The following WDR72 variants were observed in gnomAD, a reference collection of about 807,000 sequenced individuals.
The protein encoded by WDR72 is WD repeat-containing protein 72.
In WDR72, 120 loss-of-function variants were observed where a neutral mutation model predicts 124.2. The ratio of observed to expected loss-of-function variants is 0.97; its 90% CI spans 0.83 to 1.12. The LOEUF is 1.12. Among genes scored for constraint, WDR72 ranks in the 50% most tolerant of loss-of-function variants. The pLI, the probability that WDR72 is intolerant of heterozygous loss-of-function variation, is 0.00. For missense variants in WDR72, 1,387 were observed against 1,278.8 expected (o/e 1.08, Z -1.29); for synonymous variants, 452 against 441.7 (o/e 1.02, Z -0.29).
At chr15:53,733,294 T>C (rs2018257779) in intron 1 of WDR72, 133 bp from the exon 2 acceptor site, 6 of 951,180 alleles carry the variant, frequency 6.3e-6, no homozygotes, top group Non-Finnish European at 9.7e-6. Flanking sequence ...AAAAGGGTGT[T>C]TCCCCGTCAA....
intron 16 of WDR72, among the ~76,000 whole-genome samples, chr15:53,612,553 C>T (rs2013586999): frequency 6.6e-6 from 1 of 151,640 alleles, no homozygotes; most frequent in African/African-American, 2.4e-5. Flanking sequence ...ACCTGCTTGT[C>T]ATGCTTGGGT....
intron 14 of WDR72, among the ~76,000 whole-genome samples, chr15:53,655,755 C>T (rs1205179656): frequency 6.6e-6 from 1 of 151,930 alleles, no homozygotes; most frequent in Admixed American, 6.6e-5. Context: ...GGCTGTGGCA[C>T]AAGCTTGGCT....
Position 53,515,568 on chromosome 15 carries a change from T to C in WDR72, c.*2131A>G, listed in dbSNP as rs1040530343. Reference sequence around the variant, plus strand: ...AGCTTTCATAGTTAATGGTATGATATTGGCCTTCAGAATTCATATTGATAA... The same window carrying C: ...AGCTTTCATAGTTAATGGTATGATACTGGCCTTCAGAATTCATATTGATAA... On this transcript the variant is annotated 3_prime_UTR_variant, in exon 20 of 20. Transcript: ENST00000360509. 3.3e-5 allele frequency: 5 copies of C among 152,204 alleles called. No individual in the cohort carries two copies. Among genetic ancestry groups the C allele is most frequent in the African/African-American group, 1.2e-4 (5 of 41,464 alleles). The allele number at this position is 152,204 out of a possible 1,614,324, so 9.4% of individuals were successfully genotyped here.
intron 14 of WDR72, among the ~76,000 whole-genome samples, chr15:53,633,979 T>C (rs2014529103): frequency 6.6e-6 from 1 of 152,126 alleles, no homozygotes; most frequent in South Asian, 2.1e-4. Context: ...CTCAATAAAT[T>C]TAAAAGAAAC....
intron 14 of WDR72, among the ~76,000 whole-genome samples, chr15:53,617,374 G>A (rs961279731): frequency 2.0e-5 from 3 of 151,582 alleles, no homozygotes; most frequent in African/African-American, 7.3e-5. Flanking sequence ...TAATTGGGAA[G>A]CAGAAATTAA....
intron 1 of WDR72, among the ~76,000 whole-genome samples, chr15:53,750,771 CA>C (rs1275896182): frequency 6.6e-6 from 1 of 152,070 alleles, no homozygotes; most frequent in Non-Finnish European, 1.5e-5. Flanking sequence ...TGGAGAGATT[CA>C]AAATTCCAGT....
intron 3 of WDR72, among the ~76,000 whole-genome samples, chr15:53,721,117 T>A (rs1004319461): frequency 6.6e-6 from 1 of 152,104 alleles, no homozygotes; most frequent in African/African-American, 2.4e-5. Context: ...ACAGCATAAG[T>A]TTTAGAAACC....
At chr15:53,704,684 C>G (rs1213595616) in intron 11 of WDR72, among the ~76,000 whole-genome samples, 3 of 127,010 alleles carry the variant, frequency 2.4e-5, no homozygotes, top group African/African-American at 8.1e-5. Flanking sequence ...CGCCACCATG[C>G]CCAGCTTTTT....
chr15:53,690,985 T>A (rs1424616130), intron 13 of WDR72, among the ~76,000 whole-genome samples: 1 of 152,190 alleles, frequency 6.6e-6, no homozygotes, highest in Non-Finnish European at 1.5e-5. Flanking sequence ...CTTTTTAAAT[T>A]ATAAGTATCC....
At position 53,601,616 on chromosome 15, in the gene WDR72, T is replaced by C. The variant is rs532833308; in HGVS notation, c.2953-4342A>G. ...GGTATGTCGTCTTCAAGATAACATGTCAACTCTCAAAATAAAGGGTTGGAG... is the reference window on the plus strand; with the variant it reads ...GGTATGTCGTCTTCAAGATAACATGCCAACTCTCAAAATAAAGGGTTGGAG... On this transcript the variant is annotated intron_variant, in intron 17 of 19. Transcript: ENST00000360509. Among the ~76,000 whole-genome samples, 12 of 147,920 alleles carry C rather than the reference T, an allele frequency of 8.1e-5. No individual in the cohort carries two copies. In the East Asian group the frequency reaches 1.2e-3, roughly 14 times the overall value.
chr15:53,665,813 C>A, intron 13 of WDR72, 45 bp from the exon 14 acceptor site: 3 of 1,569,462 alleles, frequency 1.9e-6, no homozygotes, highest in Non-Finnish European at 2.6e-6. Flanking sequence ...AAATATTTAC[C>A]CCAACAGAAT....
intron 7 of WDR72, 135 bp downstream of exon 7, chr15:53,712,637 G>T: frequency 4.4e-6 from 4 of 904,360 alleles, no homozygotes; most frequent in Non-Finnish European, 6.7e-6. Context: ...AGTCATAAAA[G>T]ACACATCATT....
At chr15:53,707,373 G>A (rs2140536543) in intron 9 of WDR72, among the ~76,000 whole-genome samples, 1 of 152,192 alleles carries the variant, frequency 6.6e-6, no homozygotes, top group South Asian at 2.1e-4. Flanking sequence ...ATCCAACCAA[G>A]ACGTATAATT....
intron 6 of WDR72, among the ~76,000 whole-genome samples, chr15:53,714,187 G>GTGTGTA (rs1283687490): frequency 6.6e-6 from 1 of 150,504 alleles, no homozygotes; most frequent in Non-Finnish European, 1.5e-5. Flanking sequence ...CTTTCTGTGT[G>GTGTGTA]TGTGTGTGTG....
At chr15:53,730,720 A>T (rs893007083) in intron 2 of WDR72, among the ~76,000 whole-genome samples, 2 of 152,084 alleles carry the variant, frequency 1.3e-5, no homozygotes, top group African/African-American at 4.8e-5. Flanking sequence ...CCTTTTTTAC[A>T]GTCTCTTCTG....
At chr15:53,682,471 A>G (rs1222214844) in intron 13 of WDR72, among the ~76,000 whole-genome samples, 6 of 152,280 alleles carry the variant, frequency 3.9e-5, no homozygotes, top group African/African-American at 1.4e-4. Flanking sequence ...AATTTGGTTC[A>G]AAGTAAGGTC....
intron 1 of WDR72, among the ~76,000 whole-genome samples, chr15:53,745,378 T>C (rs2018618965): frequency 1.3e-5 from 2 of 152,204 alleles, no homozygotes; most frequent in Non-Finnish European, 1.5e-5. Flanking sequence ...ACTTTTACAG[T>C]ATTGACACTA....
intron 1 of WDR72, among the ~76,000 whole-genome samples, chr15:53,738,136 G>GTT (rs2018408891): frequency 1.3e-5 from 2 of 152,024 alleles, no homozygotes; most frequent in East Asian, 3.8e-4. Context: ...AGACTCAAAA[G>GTT]TATGAAAACG....
intron 13 of WDR72, among the ~76,000 whole-genome samples, chr15:53,697,547 G>A (rs982849035): frequency 2.0e-5 from 3 of 152,088 alleles, no homozygotes; most frequent in Non-Finnish European, 4.4e-5. Flanking sequence ...TCCTAGAGGT[G>A]GCCAGAGCTT....
Sources: gnomAD v4.1 joint callset for allele counts (sites outside exome capture counted in the v4.1 genomes callset) on GRCh38, gnomAD v4.1.1 for gene constraint, MANE v1.5 for transcripts, NCBI Gene and HGNC (gene_info 2026-07-23, HGNC 2026-07-21) for gene names.